Variants in PPL observed in about 807,000 individuals in gnomAD.
PPL encodes the protein 190 kDa paraneoplastic pemphigus antigen.
Under a neutral mutation model 194.4 loss-of-function variants are expected in PPL, and 198 were observed. The ratio of observed to expected loss-of-function variants is 1.02; its 90% CI spans 0.91 to 1.15. PPL has a LOEUF of 1.15. PPL is among the 50% of genes most tolerant of loss of function. PPL has a pLI of 0.00. For missense variants in PPL, 2,885 were observed against 2,294.8 expected (o/e 1.26, Z -5.25); for synonymous variants, 1,220 against 972.4 (o/e 1.25, Z -4.74).
At position 4,891,945 on chromosome 16, in the gene PPL, C is replaced by A. The variant is rs370308954; in HGVS notation, c.1834G>T (p.Asp612Tyr). 3.1e-6 allele frequency: 5 copies of A among 1,612,632 alleles called. No individual in the cohort carries two copies. In the South Asian group the frequency reaches 4.4e-5, roughly 14 times the overall value. ...QLLDLAQEKV[D>Y]VANRLEKSLQ... ...CTCTTCTCCAGGCGGTTGGCCACAT[C>A]AACCCTGAGAGCACCAATCAGGCGT... The change falls in exon 16 of 22, where the codon GAT becomes TAT. Residue 612 changes from aspartate to tyrosine, a missense_variant. Asp to Tyr is a radical substitution (Grantham distance 160, BLOSUM62 -3). Transcript: ENST00000345988.
At chr16:4,910,253 C>A (rs8051560) in intron 2 of PPL, among the ~76,000 whole-genome samples, 20,592 of 152,206 alleles carry the variant, frequency 0.14, 1,486 homozygotes, top group Middle Eastern at 0.21. Flanking sequence ...TGGAGAAAGA[C>A]CTGCACCCTG....
intron 16 of PPL, 81 bp from the exon 17 acceptor site, chr16:4,891,002 G>A: frequency 7.8e-7 from 1 of 1,274,724 alleles, no homozygotes. Flanking sequence ...AAGCCCCTGG[G>A]CCACTGACTG....
intron 12 of PPL, 121 bp downstream of exon 12, chr16:4,894,344 GGA>G: frequency 8.1e-7 from 1 of 1,232,302 alleles, no homozygotes; most frequent in Non-Finnish European, 1.1e-6. Flanking sequence ...GGGTGCAGAT[GGA>G]GAGTGTCAGC....
In PPL at chr16:4,902,386, C is replaced by A. The variant is rs376493900; in HGVS notation, c.438+20G>T. On this transcript the variant is annotated intron_variant, in intron 4 of 21. Transcript: ENST00000345988. This position sits in a 1 kb window ranked among gnomAD's most constrained non-coding sequence, Gnocchi z 4.0. The stretch of plus-strand genomic sequence containing the variant: ...TCCCCAGCTGAAACCCTGGAGCCAG[C>A]GGCCCCGTCCAGGCCATACCAGCTT... 8 of 1,611,936 alleles carry A rather than the reference C, an allele frequency of 5.0e-6. No homozygotes were observed. The highest frequency in any genetic ancestry group is 6.8e-6 in the Non-Finnish European group (8 of 1,178,942).
At chr16:4,935,691 G>A (rs146255040) in intron 1 of PPL, among the ~76,000 whole-genome samples, 103 of 152,330 alleles carry the variant, frequency 6.8e-4, no homozygotes, top group African/African-American at 2.3e-3. Context: ...GGGCTGGAAG[G>A]CCCCGGAATG....
intron 1 of PPL, among the ~76,000 whole-genome samples, chr16:4,920,354 A>AG (rs761110208): frequency 5.6e-5 from 4 of 71,220 alleles, no homozygotes; most frequent in African/African-American, 1.2e-4. Context: ...AGAGAAAGAA[A>AG]GAAAGAAAGA....
chr16:4,884,083 C>T lies in PPL; in HGVS notation c.4572G>A (p.Glu1524=), dbSNP rs758373211. Residue 1524 remains glutamate (E), a synonymous_variant, in exon 22 of 22, where the codon GAG becomes GAA. Transcript: ENST00000345988. This position sits in a 1 kb window ranked among gnomAD's most constrained non-coding sequence, Gnocchi z 5.7. Reference sequence around the variant, plus strand: ...GCTCGCGCTTGCTGCGGCTCTCCTCCTCCAGGCTGCTCTTGAGCCTCTGGA... The same window carrying T: ...GCTCGCGCTTGCTGCGGCTCTCCTCTTCCAGGCTGCTCTTGAGCCTCTGGA... ...QEIQRLKSSL[E]EESRSKRELD... is the part of the protein sequence containing the mutation. 7.4e-6 allele frequency: 12 copies of T among 1,613,154 alleles called. No homozygotes were observed. Among genetic ancestry groups the T allele is most frequent in the Non-Finnish European group, 1.0e-5 (12 of 1,179,958 alleles).
In PPL at chr16:4,883,780, G is replaced by A; in HGVS notation, c.4875C>T (p.Leu1625=). ...LERELDDLKR[L]SKDKDLEIDE... ...CGATCTCGAGGTCTTTGTCCTTGGA[G>A]AGCCTCTTGAGGTCATCCAGTTCCC... is the stretch of plus-strand genomic sequence containing the variant. Residue 1625 remains leucine (L), a synonymous_variant, in exon 22 of 22, where the codon CTC becomes CTT. Transcript: ENST00000345988. The surrounding 1 kb of genome is among the most constrained non-coding windows in gnomAD (Gnocchi z 4.8). 1 of 1,614,116 alleles carries A rather than the reference G, an allele frequency of 6.2e-7. No individual in the cohort carries two copies. Among genetic ancestry groups the A allele is most frequent in the Non-Finnish European group, 8.5e-7 (1 of 1,180,032 alleles).
Position 4,900,881 on chromosome 16 carries a change from G to C in PPL, c.565-10C>G. ...GTTCGCTGTTCTGCTCCTGAGGACAGAGCCGAGGGCATGGGTCAGGGCCAG... is the reference window on the plus strand; with the variant it reads ...GTTCGCTGTTCTGCTCCTGAGGACACAGCCGAGGGCATGGGTCAGGGCCAG... On this transcript the variant is annotated splice_polypyrimidine_tract_variant and intron_variant, in intron 5 of 21. Coordinates refer to ENST00000345988, the MANE Select transcript of PPL (RefSeq NM_002705.5). 6.2e-7 allele frequency: 1 copy of C among 1,614,166 alleles called. No individual in the cohort carries two copies.
intron 1 of PPL, among the ~76,000 whole-genome samples, chr16:4,924,924 C>G (rs903045566): frequency 6.6e-6 from 1 of 152,246 alleles, no homozygotes; most frequent in African/African-American, 2.4e-5. Context: ...CCCTGTCGCC[C>G]AGAACTGCTG....
rs1217002366 is a variant in PPL at position 4,900,434 on chromosome 16, C to CTTTTTTTTTTTTTTTTTTT, written c.606+377_606+395dup. On this transcript the variant is annotated intron_variant, in intron 6 of 21. Coordinates refer to ENST00000345988, the MANE Select transcript of PPL (RefSeq NM_002705.5). ...CCTGATTGAAACGTTTACTGCACGC[C>CTTTTTTTTTTTTTTTTTTT]TTTTTTTTTTTTTTTTTTTTTTAAA... is the stretch of plus-strand genomic sequence containing the variant. 2.6e-4 allele frequency among the ~76,000 whole-genome samples: 16 copies of CTTTTTTTTTTTTTTTTTTT among 61,650 alleles called. 5 individuals are homozygous for CTTTTTTTTTTTTTTTTTTT. Among genetic ancestry groups the CTTTTTTTTTTTTTTTTTTT allele is most frequent in the Non-Finnish European group, 3.1e-4 (10 of 32,590 alleles). 40.4% of individuals were successfully genotyped at this position (61,650 alleles called of 152,430 possible). A position where few individuals can be genotyped will look rare whatever the true frequency, so the allele number is the denominator to read the frequency against.
At chr16:4,893,774 C>G in intron 12 of PPL, 136 bp from the exon 13 acceptor site, 1 of 656,886 alleles carries the variant, frequency 1.5e-6, no homozygotes, top group Non-Finnish European at 2.6e-6. Flanking sequence ...AGCAAGTGCT[C>G]ACTGTGGCAC....
chr16:4,896,786 C>T (rs1242001217), intron 9 of PPL, among the ~76,000 whole-genome samples: 1 of 151,866 alleles, frequency 6.6e-6, no homozygotes, highest in Non-Finnish European at 1.5e-5. Flanking sequence ...CAGATATGGG[C>T]CACCACACCT....
chr16:4,925,290 T>A (rs554026201), intron 1 of PPL, among the ~76,000 whole-genome samples: 2 of 152,300 alleles, frequency 1.3e-5, no homozygotes, highest in South Asian at 4.1e-4. Context: ...CCTCTGCCCC[T>A]ACCTTCTTTA....
At position 4,882,548 on chromosome 16, in the gene PPL, C is replaced by T. The variant is rs1696643041; in HGVS notation, c.*836G>A. 6.6e-6 allele frequency: 1 copy of T among 152,096 alleles called. No individual in the cohort carries two copies. The highest frequency in any genetic ancestry group is 6.6e-5 in the Admixed American group (1 of 15,256). 9.4% of individuals were successfully genotyped at this position (152,096 alleles called of 1,614,324 possible). On this transcript the variant is annotated 3_prime_UTR_variant, in exon 22 of 22. Transcript: ENST00000345988. ...TCCAGCCACCAGGTTTATTTTCATG[C>T]TATAAATAAATTTCCCTATTAGTTC...
At position 4,887,200 on chromosome 16, in the gene PPL, C is replaced by T; in HGVS notation, c.2542G>A (p.Glu848Lys). The T allele has an allele frequency of 6.2e-7, 1 of 1,614,120 alleles. No individual in the cohort carries two copies. The highest frequency in any genetic ancestry group is 8.5e-7 in the Non-Finnish European group (1 of 1,179,988). ...CTCTGTCTGTTGATGGCATAAACTT[C>T]AGTGAACTTGGCGGCAAGTGCTGCT... ...EEAALAAKFT[E>K]VYAINRQRLQ... The change falls in exon 21 of 22, where the codon GAA becomes AAA. Residue 848 changes from glutamate to lysine, a missense_variant. Glu to Lys is a moderately conservative substitution (Grantham distance 56). Coordinates refer to ENST00000345988, the MANE Select transcript of PPL (RefSeq NM_002705.5).
Position 4,884,980 on chromosome 16 carries a change from C to T in PPL, c.3675G>A (p.Gln1225=), listed in dbSNP as rs761507298. ...ELEALRRRGP[Q]VEVKEVTKEV... ...CCTTAGTCACCTCTTTGACTTCCACCTGGGGGCCTCGCCTCCTGAGGGCCT... is the reference window on the plus strand; with the variant it reads ...CCTTAGTCACCTCTTTGACTTCCACTTGGGGGCCTCGCCTCCTGAGGGCCT... The change falls in exon 22 of 22, where the codon CAG becomes CAA. Residue 1225 remains glutamine (Q), a synonymous_variant. Transcript: ENST00000345988. This position sits in a 1 kb window ranked among gnomAD's most constrained non-coding sequence, Gnocchi z 5.7. 11 of 1,614,146 alleles carry T rather than the reference C, an allele frequency of 6.8e-6. No individual in the cohort carries two copies. Among genetic ancestry groups the T allele is most frequent in the Non-Finnish European group, 9.3e-6 (11 of 1,180,048 alleles).
intron 1 of PPL, among the ~76,000 whole-genome samples, chr16:4,916,422 G>C (rs1321503583): frequency 6.6e-6 from 1 of 152,068 alleles, no homozygotes; most frequent in East Asian, 1.9e-4. Flanking sequence ...ATGTTGGCCA[G>C]GCTGGTCTCG....
rs757527816 is a variant in PPL at position 4,899,126 on chromosome 16, G to A, written c.769-6C>T. On this transcript the variant is annotated splice_polypyrimidine_tract_variant and splice_region_variant and intron_variant, in intron 7 of 21. Coordinates refer to ENST00000345988, the MANE Select transcript of PPL (RefSeq NM_002705.5). ...AGGTTCCGGTTGATGAAATTCTGCAGTGGGGGGCAGTGGAGGGGCCTCAGT... is the reference window on the plus strand; with the variant it reads ...AGGTTCCGGTTGATGAAATTCTGCAATGGGGGGCAGTGGAGGGGCCTCAGT... 1 of 1,613,706 alleles carries A rather than the reference G, an allele frequency of 6.2e-7. No individual in the cohort carries two copies. Among genetic ancestry groups the A allele is most frequent in the Admixed American group, 1.7e-5 (1 of 60,032 alleles).
Sources: allele counts gnomAD v4.1 joint callset (sites outside exome capture counted in the v4.1 genomes callset), GRCh38; gene constraint gnomAD v4.1.1; non-coding constraint Gnocchi (gnomAD v3.1); transcripts MANE v1.5; gene names NCBI Gene and HGNC (gene_info 2026-07-23, HGNC 2026-07-21).